The following FHIP1A variants were observed in gnomAD, a reference collection of about 807,000 sequenced individuals.
FHIP1A encodes FHF complex subunit HOOK-interacting protein 1A.
Under a neutral mutation model 88.6 loss-of-function variants are expected in FHIP1A, and 61 were observed. The ratio of observed to expected loss-of-function variants is 0.69; its 90% CI spans 0.56 to 0.85. FHIP1A has a LOEUF of 0.85. FHIP1A is among the 40% of genes least tolerant of loss of function. FHIP1A has a pLI of 0.00. For synonymous variants in FHIP1A, 478 were observed against 496.0 expected (o/e 0.96, Z 0.48); for missense variants, 1,154 against 1,273.5 (o/e 0.91, Z 1.43).
chr4:151,616,013 G>A (rs529249094), intron 7 of FHIP1A, among the ~76,000 whole-genome samples: 5 of 152,170 alleles, frequency 3.3e-5, no homozygotes, highest in African/African-American at 9.7e-5. Context: ...AGGATTGCCC[G>A]TGTGTTGCCA....
intron 5 of FHIP1A, among the ~76,000 whole-genome samples, chr4:151,581,024 AT>A (rs1298602617): frequency 6.6e-6 from 1 of 151,968 alleles, no homozygotes; most frequent in Admixed American, 6.5e-5. Context: ...CGCCCAGGTA[AT>A]TTTTTGTATT....
chr4:151,463,400 A>G (rs550656496), intron 2 of FHIP1A, among the ~76,000 whole-genome samples: 3 of 152,326 alleles, frequency 2.0e-5, no homozygotes, highest in African/African-American at 7.2e-5. Flanking sequence ...TTTCTGTTTT[A>G]TACTGAATCC....
At chr4:151,579,614 T>G (rs922513928) in intron 5 of FHIP1A, among the ~76,000 whole-genome samples, 1 of 152,100 alleles carries the variant, frequency 6.6e-6, no homozygotes. Context: ...AAAAGCAACA[T>G]AATCATAAGA....
chr4:151,657,044 C>T, intron 13 of FHIP1A, 146 bp downstream of exon 13: 1 of 827,678 alleles, frequency 1.2e-6, no homozygotes, highest in Non-Finnish European at 1.8e-6. Flanking sequence ...AGGGAGGAAC[C>T]ACCTCTTAGC....
intron 3 of FHIP1A, among the ~76,000 whole-genome samples, chr4:151,553,793 C>T (rs1446497691): frequency 2.0e-5 from 3 of 152,070 alleles, no homozygotes; most frequent in East Asian, 3.9e-4. Flanking sequence ...GTGAAAATTC[C>T]AAGACACTGT....
chr4:151,440,226 C>T (rs1017453736), intron 1 of FHIP1A, among the ~76,000 whole-genome samples: 1 of 152,116 alleles, frequency 6.6e-6, no homozygotes, highest in Non-Finnish European at 1.5e-5. Flanking sequence ...GATTCTGTTA[C>T]CTCCCACTGG....
At chr4:151,649,295 C>T (rs1736909412) in intron 10 of FHIP1A, among the ~76,000 whole-genome samples, 164 bp from the exon 11 acceptor site, 2 of 152,240 alleles carry the variant, frequency 1.3e-5, no homozygotes, top group Non-Finnish European at 2.9e-5. Flanking sequence ...TTAATCTTTC[C>T]TTCTTACAAT....
chr4:151,582,363 T>C (rs1451207853), intron 5 of FHIP1A, among the ~76,000 whole-genome samples: 3 of 152,172 alleles, frequency 2.0e-5, no homozygotes, highest in Admixed American at 6.5e-5. Flanking sequence ...TCTTTTTTTT[T>C]TTGTATGTCA....
chr4:151,601,027 G>T (rs1231171909), intron 7 of FHIP1A, among the ~76,000 whole-genome samples: 1 of 152,160 alleles, frequency 6.6e-6, no homozygotes, highest in Non-Finnish European at 1.5e-5. Flanking sequence ...TTCTGGGCAG[G>T]TTTACCACAG....
intron 7 of FHIP1A, among the ~76,000 whole-genome samples, chr4:151,599,108 G>T (rs141453996): frequency 6.6e-6 from 1 of 152,076 alleles, no homozygotes; most frequent in South Asian, 2.1e-4. Flanking sequence ...ATATGGGAAA[G>T]GATAAATTTT....
At chr4:151,655,988 A>G (rs1235466471) in intron 11 of FHIP1A, among the ~76,000 whole-genome samples, 1 of 152,008 alleles carries the variant, frequency 6.6e-6, no homozygotes, top group Admixed American at 6.6e-5. Context: ...AATAAGTATC[A>G]AAACTGCTCA....
At chr4:151,514,569 A>G (rs1288228618) in intron 3 of FHIP1A, among the ~76,000 whole-genome samples, 4 of 152,142 alleles carry the variant, frequency 2.6e-5, no homozygotes, top group Admixed American at 1.3e-4. Flanking sequence ...AGACTAATAA[A>G]GAAGAAAAGA....
Position 151,629,844 on chromosome 4 carries a change from C to T in FHIP1A, c.1121C>T (p.Thr374Met), listed in dbSNP as rs376866022. Residue 374 changes from threonine to methionine, a missense_variant, in exon 8 of 14, where the codon ACG becomes ATG. Thr to Met is a moderately conservative substitution (Grantham distance 81, BLOSUM62 -1). Transcript: ENST00000435205. ...AATGTCCACATCCTAGACACTCTCA[C>T]GAGTCGAATCAACACCCCGTTTCGG... ...HENVHILDTLTSRINTPFRLC... is the reference protein window; with the variant it reads ...HENVHILDTLMSRINTPFRLC... 58 of 1,551,174 alleles carry T rather than the reference C, an allele frequency of 3.7e-5. No homozygotes were observed. The East Asian group carries it at 9.5e-4, about 25-fold the overall frequency.
intron 3 of FHIP1A, among the ~76,000 whole-genome samples, chr4:151,522,142 C>G (rs1043917380): frequency 2.0e-5 from 3 of 152,160 alleles, no homozygotes; most frequent in Admixed American, 6.5e-5. Flanking sequence ...CTTTTTCTCT[C>G]TTTCCTCCAT....
At chr4:151,519,972 A>C (rs1172247638) in intron 3 of FHIP1A, among the ~76,000 whole-genome samples, 3 of 152,158 alleles carry the variant, frequency 2.0e-5, no homozygotes, top group Admixed American at 6.5e-5. Context: ...TAAGAGTTCT[A>C]AATTCAGATA....
At chr4:151,586,166 T>G (rs1734202947) in intron 5 of FHIP1A, among the ~76,000 whole-genome samples, 1 of 152,166 alleles carries the variant, frequency 6.6e-6, no homozygotes, top group African/African-American at 2.4e-5. Flanking sequence ...GGTTCCAATG[T>G]ATGTGACTTT....
chr4:151,540,959 A>G (rs1439066155), intron 3 of FHIP1A, among the ~76,000 whole-genome samples: 2 of 152,242 alleles, frequency 1.3e-5, no homozygotes, highest in African/African-American at 4.8e-5. Flanking sequence ...GCTCCAGTCC[A>G]TGAGTGAGAC....
At chr4:151,409,810 T>C (rs1169005628) in intron 1 of FHIP1A, among the ~76,000 whole-genome samples, 1 of 151,982 alleles carries the variant, frequency 6.6e-6, no homozygotes, top group Non-Finnish European at 1.5e-5. Context: ...GGTCCCAGGG[T>C]CCTCTGGGAG....
intron 9 of FHIP1A, among the ~76,000 whole-genome samples, chr4:151,639,615 C>T (rs1736493647): frequency 6.6e-6 from 1 of 152,178 alleles, no homozygotes; most frequent in South Asian, 2.1e-4. Context: ...GATCCTGAAT[C>T]TTGGAGTTGA....
Sources: allele counts gnomAD v4.1 joint callset (sites outside exome capture counted in the v4.1 genomes callset), GRCh38; gene constraint gnomAD v4.1.1; transcripts MANE v1.5; gene names NCBI Gene and HGNC (gene_info 2026-07-23, HGNC 2026-07-21).